GRID2: variants seen among roughly 807,000 people sequenced by gnomAD.
GRID2 encodes the protein glutamate receptor ionotropic, delta-2.
In GRID2, 33 loss-of-function variants were observed where a neutral mutation model predicts 114.8. The observed-to-expected ratio is 0.29, with a 90% confidence interval of 0.22 to 0.38. The LOEUF (loss-of-function observed/expected upper bound fraction) is 0.38, where lower values mean the gene tolerates loss of function less well. GRID2 is among the 10% of genes least tolerant of loss of function. The pLI, the probability that GRID2 is intolerant of heterozygous loss-of-function variation, is 1.00. For synonymous variants in GRID2, 505 were observed against 449.9 expected (o/e 1.12, Z -1.55); for missense variants, 1,184 against 1,257.7 (o/e 0.94, Z 0.89).
chr4:92,546,116 T>G (rs1258685446), intron 1 of GRID2, among the ~76,000 whole-genome samples: 1 of 152,196 alleles, frequency 6.6e-6, no homozygotes, highest in Non-Finnish European at 1.5e-5. Flanking sequence ...TTTATTTATC[T>G]GGCACAGTTA....
chr4:92,896,360 A>C (rs1452443059), intron 2 of GRID2, among the ~76,000 whole-genome samples: 1 of 152,152 alleles, frequency 6.6e-6, no homozygotes, highest in Non-Finnish European at 1.5e-5. Flanking sequence ...ATCCTGATAG[A>C]AAAAGCATAC....
chr4:93,224,025 T>C (rs1745191063), intron 6 of GRID2, among the ~76,000 whole-genome samples: 1 of 152,136 alleles, frequency 6.6e-6, no homozygotes, highest in African/African-American at 2.4e-5. Flanking sequence ...TTGTAATGCA[T>C]GTGTATACCT....
intron 5 of GRID2, among the ~76,000 whole-genome samples, chr4:93,207,882 C>T (rs2149470638): frequency 6.6e-6 from 1 of 152,054 alleles, no homozygotes; most frequent in East Asian, 1.9e-4. Flanking sequence ...TATGAATAAA[C>T]ACAGAACAGA....
At chr4:92,617,354 T>C (rs1730052018) in intron 2 of GRID2, among the ~76,000 whole-genome samples, 1 of 151,520 alleles carries the variant, frequency 6.6e-6, no homozygotes, top group South Asian at 2.1e-4. Flanking sequence ...TAGGTATTTG[T>C]CCTAATGCTC....
chr4:93,124,377 A>C (rs1267549782), intron 4 of GRID2, among the ~76,000 whole-genome samples: 2 of 152,364 alleles, frequency 1.3e-5, no homozygotes, highest in African/African-American at 4.8e-5. Context: ...AGATGTATTT[A>C]TTGCAAATAA....
At chr4:93,382,639 C>T (rs1403480601) in intron 8 of GRID2, among the ~76,000 whole-genome samples, 2 of 151,756 alleles carry the variant, frequency 1.3e-5, no homozygotes, top group South Asian at 2.1e-4. Context: ...TTCTTGATTT[C>T]CTCTACTTTT....
intron 8 of GRID2, among the ~76,000 whole-genome samples, chr4:93,297,615 C>T (rs966969833): frequency 6.6e-6 from 1 of 152,048 alleles, no homozygotes; most frequent in Non-Finnish European, 1.5e-5. Flanking sequence ...TATCTATCTA[C>T]TCATCTGGAA....
chr4:92,709,589 A>AAAAAAAAAT (rs779775767), intron 2 of GRID2, among the ~76,000 whole-genome samples: 4 of 114,658 alleles, frequency 3.5e-5, no homozygotes, highest in Non-Finnish European at 5.1e-5. Flanking sequence ...AAAAAAAAAA[A>AAAAAAAAAT]ATATATATAT....
chr4:93,059,073 G>A (rs1025365350), intron 2 of GRID2, among the ~76,000 whole-genome samples: 1 of 151,958 alleles, frequency 6.6e-6, no homozygotes, highest in African/African-American at 2.4e-5. Context: ...AACACCAGGA[G>A]CTCTTAGTAA....
At chr4:93,500,857 T>C (rs1728025387) in intron 12 of GRID2, among the ~76,000 whole-genome samples, 1 of 152,074 alleles carries the variant, frequency 6.6e-6, no homozygotes, top group African/African-American at 2.4e-5. Flanking sequence ...CCTCTCATAA[T>C]ACACAGCTCA....
At chr4:92,541,970 C>G (rs1316674425) in intron 1 of GRID2, among the ~76,000 whole-genome samples, 1 of 151,892 alleles carries the variant, frequency 6.6e-6, no homozygotes, top group Non-Finnish European at 1.5e-5. Flanking sequence ...TATGATTGTG[C>G]TGAGTGAAGT....
intron 2 of GRID2, among the ~76,000 whole-genome samples, chr4:92,802,347 C>T (rs552587771): frequency 2.0e-5 from 3 of 152,014 alleles, no homozygotes; most frequent in Non-Finnish European, 2.9e-5. Flanking sequence ...TGGTTTTATA[C>T]ATTCTAGTGG....
intron 8 of GRID2, among the ~76,000 whole-genome samples, chr4:93,337,191 T>C (rs1759178906): frequency 6.6e-6 from 1 of 152,226 alleles, no homozygotes; most frequent in Non-Finnish European, 1.5e-5. Flanking sequence ...TAATTTTTTT[T>C]CTTGATAATT....
At chr4:93,769,699 G>A (rs1297795481) in intron 15 of GRID2, among the ~76,000 whole-genome samples, 1 of 152,116 alleles carries the variant, frequency 6.6e-6, no homozygotes, top group Admixed American at 6.5e-5. Flanking sequence ...ACCATAATGG[G>A]CTTTGAAATT....
intron 1 of GRID2, among the ~76,000 whole-genome samples, chr4:92,314,852 A>G (rs1255391411): frequency 6.6e-6 from 1 of 152,310 alleles, no homozygotes; most frequent in East Asian, 1.9e-4. Context: ...CTCAACGTGT[A>G]GTAATTACAG....
intron 2 of GRID2, among the ~76,000 whole-genome samples, chr4:92,599,844 G>T (rs1280356629): frequency 6.6e-6 from 1 of 151,594 alleles, no homozygotes; most frequent in Non-Finnish European, 1.5e-5. Context: ...AGCCAACACG[G>T]TGAAACCCCG....
rs144031443 is a variant in GRID2 at position 93,250,730 on chromosome 4, G to A, written c.1245+12240G>A. Among the ~76,000 whole-genome samples the A allele has an allele frequency of 1.9e-3, 274 of 145,322 alleles. 5 individuals carry two copies. In the East Asian group the frequency reaches 0.049, roughly 26 times the overall value. On this transcript the variant is annotated intron_variant, in intron 8 of 15. Transcript: ENST00000282020. ...CGTATATATGTTTACATGTATATGT[G>A]CATATATATAATGTTATATATATAT... is the stretch of plus-strand genomic sequence containing the variant.
chr4:93,159,625 T>A (rs1368505937), intron 4 of GRID2, among the ~76,000 whole-genome samples: 1 of 151,670 alleles, frequency 6.6e-6, no homozygotes, highest in Non-Finnish European at 1.5e-5. Context: ...AGGATTAAGT[T>A]TTTTAATTTC....
At chr4:93,091,292 A>G (rs935756992) in intron 3 of GRID2, among the ~76,000 whole-genome samples, 3 of 152,156 alleles carry the variant, frequency 2.0e-5, no homozygotes, top group Non-Finnish European at 4.4e-5. Flanking sequence ...AGCATTCTGC[A>G]TAGGAGTGGC....
Sources: gnomAD v4.1 joint callset for allele counts (sites outside exome capture counted in the v4.1 genomes callset) on GRCh38, gnomAD v4.1.1 for gene constraint, MANE v1.5 for transcripts, NCBI Gene and HGNC (gene_info 2026-07-23, HGNC 2026-07-21) for gene names.